CYFIP2: variants seen among roughly 807,000 people sequenced by gnomAD.
The protein encoded by CYFIP2 is cytoplasmic FMR1 interacting protein 2, also known as cytoplasmic FMR1-interacting protein 2.
A neutral mutation model predicts 158.7 loss-of-function variants in CYFIP2; 29 were observed. The ratio of observed to expected loss-of-function variants is 0.18; its 90% CI spans 0.14 to 0.25. The LOEUF (loss-of-function observed/expected upper bound fraction) is 0.25. Ranked by LOEUF, CYFIP2 falls within the 10% of genes least tolerant of loss-of-function variation. The pLI, the probability that CYFIP2 is intolerant of heterozygous loss-of-function variation, is 1.00. For synonymous variants in CYFIP2, 585 were observed against 617.6 expected, an observed-to-expected ratio of 0.95 and a Z score of 0.78; for missense variants, 852 against 1,639.5, an observed-to-expected ratio of 0.52 and a Z score of 8.29.
chr5:157,356,491 G>C (rs1763419254), intron 23 of CYFIP2, among the ~76,000 whole-genome samples: 2 of 152,216 alleles, frequency 1.3e-5, no homozygotes, highest in Non-Finnish European at 2.9e-5. Context: ...TGTATGTACA[G>C]TTCTGTGAGT....
At chr5:157,382,558 T>G (rs1343247556) in intron 26 of CYFIP2, 32 bp from the exon 27 acceptor site, 2 of 1,611,508 alleles carry the variant, frequency 1.2e-6, no homozygotes, top group Admixed American at 3.3e-5. Flanking sequence ...AAATGAAAAT[T>G]GTTTTCTCTT....
At chr5:157,276,896 T>G (rs2113820460) in intron 1 of CYFIP2, among the ~76,000 whole-genome samples, 1 of 152,324 alleles carries the variant, frequency 6.6e-6, no homozygotes, top group Admixed American at 6.5e-5. Context: ...GATTGTGATA[T>G]AAAGCTTCCT....
At chr5:157,342,978 TC>T in intron 23 of CYFIP2, 1 of 1,614,220 alleles carries the variant, frequency 6.2e-7, no homozygotes, top group South Asian at 1.1e-5. Context: ...TCTCTGGAGT[TC>T]TTGCGTGGCA....
intron 28 of CYFIP2, among the ~76,000 whole-genome samples, chr5:157,386,972 T>G (rs1305713733): frequency 2.0e-5 from 3 of 150,228 alleles, no homozygotes; most frequent in Non-Finnish European, 4.4e-5. Context: ...GAATTGTTCA[T>G]AATTGTGAGT....
chr5:157,274,805 T>C (rs1285165254), intron 1 of CYFIP2, among the ~76,000 whole-genome samples: 1 of 152,226 alleles, frequency 6.6e-6, no homozygotes, highest in African/African-American at 2.4e-5. Flanking sequence ...CCCTAATAAC[T>C]AAGGTTATTA....
chr5:157,324,979 A>T (rs2113135294), intron 16 of CYFIP2: 1 of 151,638 alleles, frequency 6.6e-6, no homozygotes, highest in South Asian at 2.1e-4. Context: ...CTAATTATTT[A>T]TTTTTTTAAT....
chr5:157,320,799 A>G lies in CYFIP2; in HGVS notation c.1668A>G (p.Thr556=). Reference sequence around the variant, plus strand: ...GGCGTGCTGTGGGGCCATCCAGCACACAGGTAAGCGGCTCCAGGCACAGGC... The same window carrying G: ...GGCGTGCTGTGGGGCCATCCAGCACGCAGGTAAGCGGCTCCAGGCACAGGC... ...VPRRAVGPSS[T]QLYMVRTMLE... Residue 556 remains threonine, a synonymous_variant, in exon 15 of 31, where the codon ACA becomes ACG. Coordinates refer to ENST00000620254, the MANE Select transcript of CYFIP2 (RefSeq NM_001037333.3). 6.3e-7 allele frequency: 1 copy of G among 1,583,674 alleles called. No homozygotes were observed. The highest frequency in any genetic ancestry group is 8.6e-7 in the Non-Finnish European group (1 of 1,165,642).
At chr5:157,336,324 G>A (rs1417193993) in intron 21 of CYFIP2, among the ~76,000 whole-genome samples, 1 of 152,200 alleles carries the variant, frequency 6.6e-6, no homozygotes, top group Non-Finnish European at 1.5e-5. Flanking sequence ...GCTGTGTTTT[G>A]TTTAGGCAGC....
At chr5:157,372,225 T>G (rs1765058365) in intron 26 of CYFIP2, among the ~76,000 whole-genome samples, 1 of 152,316 alleles carries the variant, frequency 6.6e-6, no homozygotes, top group African/African-American at 2.4e-5. Flanking sequence ...TAAGAAAATT[T>G]TAAATATAGG....
intron 11 of CYFIP2, among the ~76,000 whole-genome samples, chr5:157,312,572 C>T (rs563299332): frequency 6.6e-6 from 1 of 152,308 alleles, no homozygotes; most frequent in East Asian, 1.9e-4. Flanking sequence ...TGGGTGACTG[C>T]GCACTGACCC....
chr5:157,323,273 A>T (rs1285443082), intron 15 of CYFIP2, among the ~76,000 whole-genome samples: 1 of 152,218 alleles, frequency 6.6e-6, no homozygotes, highest in Non-Finnish European at 1.5e-5. Context: ...CCTGAACTTC[A>T]GCAGGCTGTG....
At chr5:157,295,482 C>T (rs1319663674) in intron 4 of CYFIP2, among the ~76,000 whole-genome samples, 2 of 152,348 alleles carry the variant, frequency 1.3e-5, no homozygotes, top group South Asian at 2.1e-4. Context: ...CCTCCCCCTT[C>T]CTTCTAATTC....
intron 16 of CYFIP2, 43 bp from the exon 17 acceptor site, chr5:157,325,439 T>G: frequency 6.4e-7 from 1 of 1,552,666 alleles, no homozygotes; most frequent in Admixed American, 2.0e-5. Context: ...TAAGGTCTTT[T>G]AGTTCTAAAA....
At chr5:157,325,674 G>T in intron 17 of CYFIP2, 36 bp downstream of exon 17, 1 of 1,560,234 alleles carries the variant, frequency 6.4e-7, no homozygotes, top group South Asian at 1.2e-5. Flanking sequence ...GTGGCTCCTG[G>T]GGTACAAGTA....
chr5:157,320,034 C>A, intron 14 of CYFIP2, 106 bp downstream of exon 14: 1 of 1,415,226 alleles, frequency 7.1e-7, no homozygotes, highest in Admixed American at 2.0e-5. Flanking sequence ...GTCCTTCCAG[C>A]AAGCTCCAGA....
intron 29 of CYFIP2, 67 bp downstream of exon 29, chr5:157,389,494 G>T: frequency 7.1e-7 from 1 of 1,413,802 alleles, no homozygotes; most frequent in Non-Finnish European, 9.4e-7. Flanking sequence ...TCATGGGGCT[G>T]CCAGAGTTCA....
chr5:157,309,930 T>C (rs1031299192), intron 10 of CYFIP2, 96 bp downstream of exon 10: 205 of 1,163,446 alleles, frequency 1.8e-4, no homozygotes, highest in Middle Eastern at 2.2e-4. Context: ...CCTCCCCAGA[T>C]CCCTGGGCAG....
At chr5:157,314,530 C>T in intron 12 of CYFIP2, 67 bp downstream of exon 12, 3 of 1,554,800 alleles carry the variant, frequency 1.9e-6, no homozygotes, top group Non-Finnish European at 2.6e-6. Flanking sequence ...TCCATCTCCC[C>T]CTAGCACTCT....
chr5:157,296,713 A>C lies in CYFIP2; in HGVS notation c.326A>C (p.Glu109Ala), dbSNP rs772047793. Residue 109 changes from glutamate (E) to alanine (A), a missense_variant, in exon 5 of 31, where the codon GAG (glutamate) becomes GCG (alanine). Physicochemically the swap from Glu to Ala is moderately radical, Grantham distance 107. Around this residue, in one of 8 missense-constraint regions of CYFIP2, gnomAD observed 123 missense variants for 316.7 expected, o/e 0.39. Transcript: ENST00000620254. ...NEQPNRVEIY[E>A]KTVEVLEPEV... ...CAGCCCAACCGAGTAGAGATCTATGAGAAGACAGTAGAGGTGCTGGAGCCG... is the reference window on the plus strand; with the variant it reads ...CAGCCCAACCGAGTAGAGATCTATGCGAAGACAGTAGAGGTGCTGGAGCCG... The C allele has an allele frequency of 6.2e-7, 1 of 1,613,894 alleles. No individual in the cohort carries two copies. The highest frequency in any genetic ancestry group is 8.5e-7 in the Non-Finnish European group (1 of 1,179,804).
Sources: gnomAD v4.1 joint callset for allele counts (sites outside exome capture counted in the v4.1 genomes callset) on GRCh38, gnomAD v4.1.1 for gene constraint, gnomAD v4.1.1 regional missense constraint, MANE v1.5 for transcripts, NCBI Gene and HGNC (gene_info 2026-07-23, HGNC 2026-07-21) for gene names.